The following KCNQ3 variants were observed in gnomAD, a reference collection of about 807,000 sequenced individuals.
The protein encoded by KCNQ3 is potassium voltage-gated channel subfamily KQT member 3.
KCNQ3 carries 30 observed loss-of-function variants against 92.5 expected under a neutral mutation model. The observed-to-expected ratio is 0.32, with a 90% CI of 0.24 to 0.44. The LOEUF is 0.44. Ranked by LOEUF, KCNQ3 falls within the 20% of genes least tolerant of loss-of-function variation. The pLI, the probability that KCNQ3 is intolerant of heterozygous loss-of-function variation, is 1.00. For synonymous variants in KCNQ3, 450 were observed against 468.8 expected (o/e 0.96, Z 0.52); for missense variants, 913 against 1,140.3 (o/e 0.80, Z 2.87).
chr8:132,279,514 AAT>A (rs1816446388), intron 1 of KCNQ3, among the ~76,000 whole-genome samples: 3 of 152,176 alleles, frequency 2.0e-5, no homozygotes, highest in African/African-American at 7.2e-5. Context: ...CAAGATTTCG[AAT>A]GTTTTTAAAG....
chr8:132,338,932 A>T (rs1252989016), intron 1 of KCNQ3, among the ~76,000 whole-genome samples: 2 of 152,192 alleles, frequency 1.3e-5, no homozygotes, highest in Admixed American at 1.3e-4. Flanking sequence ...GAGGTCAGCT[A>T]GCTTGGTCTT....
chr8:132,202,776 C>T (rs987941524), intron 1 of KCNQ3, among the ~76,000 whole-genome samples: 6 of 152,268 alleles, frequency 3.9e-5, no homozygotes, highest in Non-Finnish European at 8.8e-5. Flanking sequence ...CTCTGCCTCC[C>T]GGGTTCAAGC....
chr8:132,258,798 A>G (rs1815678711), intron 1 of KCNQ3, among the ~76,000 whole-genome samples: 2 of 152,074 alleles, frequency 1.3e-5, no homozygotes, highest in Non-Finnish European at 2.9e-5. Flanking sequence ...TCAAGTTACT[A>G]AAATTTGGAA....
chr8:132,357,519 C>T (rs1171501369), intron 1 of KCNQ3, among the ~76,000 whole-genome samples: 1 of 152,218 alleles, frequency 6.6e-6, no homozygotes, highest in Non-Finnish European at 1.5e-5. Flanking sequence ...AATGAGTTTG[C>T]CTGCACACAG....
chr8:132,175,839 G>T (rs995200145), intron 4 of KCNQ3, among the ~76,000 whole-genome samples: 2 of 152,210 alleles, frequency 1.3e-5, no homozygotes, highest in African/African-American at 4.8e-5. Context: ...AGGAGAGGAA[G>T]ATTTCTAGCT....
intron 1 of KCNQ3, among the ~76,000 whole-genome samples, chr8:132,333,635 A>G (rs1818289500): frequency 6.6e-6 from 1 of 152,188 alleles, no homozygotes; most frequent in Non-Finnish European, 1.5e-5. Context: ...GGGTGGTTGC[A>G]TGATACTACA....
chr8:132,474,024 A>G (rs921628766), intron 1 of KCNQ3, among the ~76,000 whole-genome samples: 2 of 152,172 alleles, frequency 1.3e-5, no homozygotes, highest in Non-Finnish European at 2.9e-5. Flanking sequence ...TCAACAGGAG[A>G]GTGATTGATC....
intron 11 of KCNQ3, among the ~76,000 whole-genome samples, chr8:132,139,032 C>A (rs1825199155): frequency 6.6e-6 from 1 of 152,174 alleles, no homozygotes; most frequent in Non-Finnish European, 1.5e-5. Context: ...CACACTCATT[C>A]CTTTAGGCAC....
At chr8:132,458,908 G>A (rs574498274) in intron 1 of KCNQ3, among the ~76,000 whole-genome samples, 1 of 152,126 alleles carries the variant, frequency 6.6e-6, no homozygotes, top group Non-Finnish European at 1.5e-5. Flanking sequence ...ATTAACTAAA[G>A]TCCATACTTT....
chr8:132,255,688 C>A (rs2130453867), intron 1 of KCNQ3, among the ~76,000 whole-genome samples: 1 of 152,266 alleles, frequency 6.6e-6, no homozygotes, highest in Non-Finnish European at 1.5e-5. Flanking sequence ...CACACAGAGA[C>A]CTTTATCAAT....
chr8:132,190,425 A>G (rs1827123375), intron 1 of KCNQ3, among the ~76,000 whole-genome samples: 1 of 151,864 alleles, frequency 6.6e-6, no homozygotes, highest in South Asian at 2.1e-4. Flanking sequence ...ATTATATAAG[A>G]CTCTGCCATT....
chr8:132,239,825 A>G (rs1326632955), intron 1 of KCNQ3, among the ~76,000 whole-genome samples: 1 of 152,204 alleles, frequency 6.6e-6, no homozygotes, highest in Non-Finnish European at 1.5e-5. Context: ...TCTGAGACCC[A>G]GTTTCTATGT....
chr8:132,376,069 G>A (rs1261044230), intron 1 of KCNQ3, among the ~76,000 whole-genome samples: 1 of 152,150 alleles, frequency 6.6e-6, no homozygotes, highest in Non-Finnish European at 1.5e-5. Flanking sequence ...GCATGTGGAT[G>A]TTTTTCTCTA....
chr8:132,390,764 G>A (rs763014378), intron 1 of KCNQ3, among the ~76,000 whole-genome samples: 3 of 152,156 alleles, frequency 2.0e-5, no homozygotes, highest in African/African-American at 2.4e-5. Context: ...ACCATGAAGG[G>A]TTTGGAGTAT....
chr8:132,172,728 G>T, intron 6 of KCNQ3, 35 bp from the exon 7 acceptor site: 3 of 1,493,548 alleles, frequency 2.0e-6, no homozygotes, highest in Non-Finnish European at 2.8e-6. Context: ...TCAGCCCCCA[G>T]CTAGACTGTC....
intron 1 of KCNQ3, among the ~76,000 whole-genome samples, chr8:132,403,071 T>A (rs933812491): frequency 4.2e-5 from 6 of 142,400 alleles, no homozygotes; most frequent in Non-Finnish European, 9.1e-5. Context: ...AAATGTACCA[T>A]ACTAATGCAG....
intron 9 of KCNQ3, among the ~76,000 whole-genome samples, chr8:132,145,491 T>C (rs1359665527): frequency 6.6e-6 from 1 of 152,250 alleles, no homozygotes; most frequent in African/African-American, 2.4e-5. Context: ...ATTTCATCTG[T>C]AAAATGAAGC....
At chr8:132,220,278 A>G (rs1033277126) in intron 1 of KCNQ3, among the ~76,000 whole-genome samples, 3 of 152,178 alleles carry the variant, frequency 2.0e-5, no homozygotes, top group African/African-American at 7.2e-5. Flanking sequence ...GCAGTTACAG[A>G]TAAATAAGAA....
intron 1 of KCNQ3, among the ~76,000 whole-genome samples, chr8:132,322,941 G>T (rs1259287948): frequency 2.0e-5 from 3 of 152,146 alleles, no homozygotes; most frequent in African/African-American, 7.2e-5. Flanking sequence ...CACTTGCAAG[G>T]TTACTGCGTT....
Sources: gnomAD v4.1 joint callset for allele counts (sites outside exome capture counted in the v4.1 genomes callset) on GRCh38, gnomAD v4.1.1 for gene constraint, MANE v1.5 for transcripts, NCBI Gene and HGNC (gene_info 2026-07-23, HGNC 2026-07-21) for gene names.